Variants in THSD7B observed in about 807,000 individuals in gnomAD.
THSD7B encodes the protein thrombospondin type-1 domain-containing protein 7B.
Under a neutral mutation model 213.6 loss-of-function variants are expected in THSD7B, and 138 were observed. The observed-to-expected ratio is 0.65, with a 90% CI of 0.56 to 0.74. The LOEUF (loss-of-function observed/expected upper bound fraction) is 0.74, where lower values mean the gene tolerates loss of function less well. Ranked by LOEUF, THSD7B falls within the 30% of genes least tolerant of loss-of-function variation. THSD7B has a pLI of 0.00. For synonymous variants in THSD7B, 742 were observed against 687.0 expected, an observed-to-expected ratio of 1.08 and a Z score of -1.25; for missense variants, 1,931 against 1,991.5, an observed-to-expected ratio of 0.97 and a Z score of 0.58.
chr2:137,240,381 A>G (rs996515093), intron 9 of THSD7B, among the ~76,000 whole-genome samples: 17 of 152,176 alleles, frequency 1.1e-4, no homozygotes, highest in African/African-American at 3.9e-4. Context: ...ATGAGGTCTG[A>G]TGTCACTCAG....
chr2:137,153,100 A>G (rs1679848765), intron 5 of THSD7B, among the ~76,000 whole-genome samples: 1 of 152,188 alleles, frequency 6.6e-6, no homozygotes, highest in South Asian at 2.1e-4. Flanking sequence ...AGAACATATG[A>G]TAATAGAAAC....
Position 137,346,753 on chromosome 2 carries a change from C to T in THSD7B, c.2501-58860C>T, listed in dbSNP as rs906231953. ...TAGCCTATAAATTATTTTTCTTTAT[C>T]TCGCTGAAGGAACTATGCAATTATT... On this transcript the variant is annotated intron_variant, in intron 12 of 27. Coordinates refer to ENST00000409968, the MANE Select transcript of THSD7B (RefSeq NM_001316349.2). Among the ~76,000 whole-genome samples the T allele has an allele frequency of 5.9e-5, 9 of 151,630 alleles. No individual in the cohort carries two copies. In the East Asian group the frequency reaches 1.7e-3, roughly 29 times the overall value.
chr2:137,647,081 C>G (rs1683046975), intron 21 of THSD7B, among the ~76,000 whole-genome samples: 1 of 152,144 alleles, frequency 6.6e-6, no homozygotes, highest in Admixed American at 6.5e-5. Context: ...TGTCACTGTA[C>G]CCTGGCATGT....
intron 1 of THSD7B, among the ~76,000 whole-genome samples, chr2:136,824,392 G>A (rs1682609821): frequency 6.6e-6 from 1 of 151,860 alleles, no homozygotes; most frequent in Non-Finnish European, 1.5e-5. Flanking sequence ...TATTATCTGA[G>A]ATTAAGGTCT....
intron 21 of THSD7B, among the ~76,000 whole-genome samples, chr2:137,646,487 C>CAAAAAAAAAA (rs35479231): frequency 1.1e-5 from 1 of 93,738 alleles, no homozygotes; most frequent in African/African-American, 4.0e-5. Context: ...ACTACAAATA[C>CAAAAAAAAAA]AAAAAAAAAA....
chr2:136,948,717 T>C (rs1303363796), intron 2 of THSD7B, among the ~76,000 whole-genome samples: 2 of 152,234 alleles, frequency 1.3e-5, no homozygotes, highest in East Asian at 1.9e-4. Flanking sequence ...ACTTACTCTA[T>C]GTCATGCACA....
At chr2:137,416,223 C>G (rs1573613218) in intron 14 of THSD7B, among the ~76,000 whole-genome samples, 1 of 152,298 alleles carries the variant, frequency 6.6e-6, no homozygotes, top group African/African-American at 2.4e-5. Flanking sequence ...CAGGAGCCAT[C>G]AGCCATCATA....
intron 20 of THSD7B, among the ~76,000 whole-genome samples, chr2:137,623,813 CTCA>C (rs1682568639): frequency 6.6e-6 from 1 of 152,264 alleles, no homozygotes; most frequent in Non-Finnish European, 1.5e-5. Context: ...CAAACCACTG[CTCA>C]GTGAAATAAA....
At chr2:137,445,036 G>A (rs1057097252) in intron 14 of THSD7B, among the ~76,000 whole-genome samples, 8 of 152,050 alleles carry the variant, frequency 5.3e-5, no homozygotes, top group East Asian at 3.9e-4. Flanking sequence ...CAGAGGAAAT[G>A]CAAATCAAAA....
chr2:137,035,190 C>T, intron 2 of THSD7B, among the ~76,000 whole-genome samples: 1 of 152,268 alleles, frequency 6.6e-6, no homozygotes, highest in East Asian at 1.9e-4. Context: ...TATCATTAGG[C>T]CATCTTTGTT....
intron 12 of THSD7B, among the ~76,000 whole-genome samples, chr2:137,399,591 G>A (rs1396363473): frequency 2.6e-5 from 4 of 152,144 alleles, no homozygotes; most frequent in Non-Finnish European, 5.9e-5. Flanking sequence ...CTTTAAAGAT[G>A]ACTAGGTACT....
intron 12 of THSD7B, among the ~76,000 whole-genome samples, chr2:137,293,073 C>T (rs1374483367): frequency 1.3e-5 from 2 of 152,056 alleles, no homozygotes; most frequent in African/African-American, 2.4e-5. Flanking sequence ...ATTGAGTGGG[C>T]CCAGGTGGTA....
At chr2:137,581,716 C>A (rs946822466) in intron 17 of THSD7B, among the ~76,000 whole-genome samples, 3 of 147,844 alleles carry the variant, frequency 2.0e-5, no homozygotes, top group African/African-American at 7.5e-5. Context: ...GCCGAGATCC[C>A]GCCACTGCAC....
At chr2:137,135,594 C>A (rs1482646418) in intron 5 of THSD7B, among the ~76,000 whole-genome samples, 1 of 152,124 alleles carries the variant, frequency 6.6e-6, no homozygotes, top group Admixed American at 6.5e-5. Flanking sequence ...CATTTCTAGT[C>A]TAGGGTGCAA....
intron 14 of THSD7B, among the ~76,000 whole-genome samples, chr2:137,442,896 A>T (rs2105055899): frequency 6.6e-6 from 1 of 152,274 alleles, no homozygotes; most frequent in South Asian, 2.1e-4. Context: ...TCATATAGGC[A>T]CTTGGAGCCA....
chr2:137,608,844 C>T lies in THSD7B; in HGVS notation c.3424-7331C>T, dbSNP rs1420155366. ...AAGAGACAGTCTTCACTGAAGGACC[C>T]CAGAAATCTGAACCTCCGGCCCTTC... On this transcript the variant is annotated intron_variant, in intron 17 of 27. Coordinates refer to ENST00000409968, the MANE Select transcript of THSD7B (RefSeq NM_001316349.2). Among the ~76,000 whole-genome samples, 3 of 152,170 alleles carry T rather than the reference C, an allele frequency of 2.0e-5. No homozygotes were observed. In the East Asian group the frequency reaches 5.8e-4, roughly 29 times the overall value.
chr2:137,409,407 T>C (rs770923694), intron 13 of THSD7B, among the ~76,000 whole-genome samples: 2 of 152,224 alleles, frequency 1.3e-5, no homozygotes, highest in Non-Finnish European at 2.9e-5. Context: ...AACAGAATAA[T>C]TCAGGGCATT....
At chr2:137,132,564 T>A (rs536096624) in intron 5 of THSD7B, among the ~76,000 whole-genome samples, 1 of 152,150 alleles carries the variant, frequency 6.6e-6, no homozygotes. Flanking sequence ...TAATCCTTCT[T>A]TATATAGATA....
chr2:136,856,004 A>G (rs924127351), intron 1 of THSD7B, among the ~76,000 whole-genome samples: 1 of 151,838 alleles, frequency 6.6e-6, no homozygotes, highest in African/African-American at 2.4e-5. Flanking sequence ...TTCCCTATCC[A>G]CCACCTACGT....
Sources: gnomAD v4.1 joint callset for allele counts (sites outside exome capture counted in the v4.1 genomes callset) on GRCh38, gnomAD v4.1.1 for gene constraint, MANE v1.5 for transcripts, NCBI Gene and HGNC (gene_info 2026-07-23, HGNC 2026-07-21) for gene names.